Variants in C2orf92 observed in about 807,000 individuals in gnomAD.
The protein encoded by C2orf92 is chromosome 2 open reading frame 92, also known as uncharacterized protein C2orf92.
upstream of C2orf92, chr2:97,667,149 T>G (rs1326188927): frequency 6.6e-6 from 1 of 152,152 alleles, no homozygotes; most frequent in Non-Finnish European, 1.5e-5. Flanking sequence ...TAATTTCATA[T>G]GAAACATATC....
intron 3 of C2orf92, among the ~76,000 whole-genome samples, chr2:97,683,738 A>G (rs1675860520): frequency 6.6e-6 from 1 of 152,244 alleles, no homozygotes; most frequent in South Asian, 2.1e-4. Context: ...TTCTCATTTC[A>G]AAACTTGCTA....
At chr2:97,683,895 C>T (rs1227382763) in intron 3 of C2orf92, among the ~76,000 whole-genome samples, 1 of 151,942 alleles carries the variant, frequency 6.6e-6, no homozygotes, top group Non-Finnish European at 1.5e-5. Context: ...CTCACTCTGT[C>T]GCCCAGGCTG....
intron 3 of C2orf92, among the ~76,000 whole-genome samples, chr2:97,682,100 A>G (rs949586397): frequency 6.6e-6 from 1 of 152,210 alleles, no homozygotes; most frequent in Non-Finnish European, 1.5e-5. Context: ...AAGAGGATCC[A>G]TTATGAATTC....
intron 1 of C2orf92, chr2:97,674,215 A>G (rs2104540090): frequency 6.0e-6 from 2 of 331,988 alleles, no homozygotes; most frequent in South Asian, 1.6e-4. Flanking sequence ...ACTGAGTATC[A>G]TGAGATTTGG....
chr2:97,677,074 T>C (rs1028764279), intron 3 of C2orf92, among the ~76,000 whole-genome samples: 4 of 152,210 alleles, frequency 2.6e-5, no homozygotes, highest in Non-Finnish European at 5.9e-5. Flanking sequence ...AAGAGTGAGC[T>C]TGATGAAGAG....
chr2:97,685,270 T>TTTC (rs1318432038), intron 3 of C2orf92, among the ~76,000 whole-genome samples: 8 of 130,494 alleles, frequency 6.1e-5, no homozygotes, highest in African/African-American at 2.4e-4. Flanking sequence ...TCTTTCTTTC[T>TTTC]TTTTTTTTTT....
chr2:97,680,858 G>A (rs1298438984), intron 3 of C2orf92, among the ~76,000 whole-genome samples: 1 of 151,988 alleles, frequency 6.6e-6, no homozygotes, highest in African/African-American at 2.4e-5. Flanking sequence ...CCCGGGAGGT[G>A]GAGCTTGCAG....
intron 1 of C2orf92, chr2:97,670,073 G>A (rs892826544): frequency 1.1e-5 from 4 of 371,516 alleles, no homozygotes; most frequent in African/African-American, 2.1e-5. Context: ...TGGCATACAT[G>A]CGTATTTTAA....
At chr2:97,691,431 G>GA (rs1184512052) in intron 5 of C2orf92, among the ~76,000 whole-genome samples, 1 of 152,184 alleles carries the variant, frequency 6.6e-6, no homozygotes, top group Non-Finnish European at 1.5e-5. Context: ...AGGAGTGTGG[G>GA]AAAGCGCTGC....
At chr2:97,688,666 G>A (rs1020244960) in intron 3 of C2orf92, among the ~76,000 whole-genome samples, 10 of 152,064 alleles carry the variant, frequency 6.6e-5, no homozygotes, top group East Asian at 1.9e-4. Context: ...TATCTTTAGC[G>A]GGCAGTGTTT....
intron 3 of C2orf92, among the ~76,000 whole-genome samples, chr2:97,678,056 A>G (rs1675638532): frequency 6.6e-6 from 1 of 151,844 alleles, no homozygotes; most frequent in South Asian, 2.1e-4. Flanking sequence ...AAAAATTAGC[A>G]GGGCGTGGTG....
At chr2:97,690,414 T>C (rs1345324302) in intron 5 of C2orf92, 87 bp downstream of exon 5, 1 of 386,216 alleles carries the variant, frequency 2.6e-6, no homozygotes, top group Non-Finnish European at 4.6e-6. Context: ...GGAGTCTCAC[T>C]CTGTTGCCCA....
intron 3 of C2orf92, among the ~76,000 whole-genome samples, chr2:97,676,534 G>A (rs1198440063): frequency 6.6e-6 from 1 of 151,614 alleles, no homozygotes; most frequent in Non-Finnish European, 1.5e-5. Flanking sequence ...CAAGGTGGGA[G>A]GATTGCTGGA....
intron 1 of C2orf92, chr2:97,670,094 T>TA (rs1292016208): frequency 5.8e-6 from 2 of 343,970 alleles, no homozygotes; most frequent in Non-Finnish European, 1.0e-5. Context: ...CTTTTCACTG[T>TA]AAGCATTTCC....
In C2orf92 at chr2:97,671,477, T is replaced by C. The variant is rs554990385; in HGVS notation, c.46+1643T>C. The C allele has an allele frequency of 4.8e-4, 191 of 398,568 alleles. 2 individuals carry two copies. The East Asian group carries it at 6.6e-3, about 14-fold the overall frequency. The allele number at this position is 398,568 out of a possible 1,614,324, so 24.7% of individuals were successfully genotyped here. ...TTTCCTCAAATTCAAAAAATCCTGATGAAGGTTTGGCTAAAATCTTTGGTG... is the reference window on the plus strand; with the variant it reads ...TTTCCTCAAATTCAAAAAATCCTGACGAAGGTTTGGCTAAAATCTTTGGTG... On this transcript the variant is annotated intron_variant, in intron 1 of 7. Transcript: ENST00000627399.
At chr2:97,700,988 C>T (rs1180747134) in intron 6 of C2orf92, among the ~76,000 whole-genome samples, 166 bp from the exon 7 acceptor site, 1 of 152,206 alleles carries the variant, frequency 6.6e-6, no homozygotes, top group African/African-American at 2.4e-5. Flanking sequence ...GCCTCAGCCT[C>T]CCAAAGTGCT....
intron 4 of C2orf92, among the ~76,000 whole-genome samples, chr2:97,689,250 C>T (rs959582316): frequency 1.3e-5 from 2 of 152,174 alleles, no homozygotes; most frequent in African/African-American, 4.8e-5. Context: ...GGTTCTGCCA[C>T]CCTGGAGGCA....
chr2:97,681,700 T>C (rs1464670140), intron 3 of C2orf92, among the ~76,000 whole-genome samples: 1 of 152,018 alleles, frequency 6.6e-6, no homozygotes, highest in Non-Finnish European at 1.5e-5. Context: ...CTACTAAAAG[T>C]ACAAAAAATT....
intron 5 of C2orf92, chr2:97,697,378 T>C (rs1332639935): frequency 6.6e-6 from 1 of 152,220 alleles, no homozygotes; most frequent in Non-Finnish European, 1.5e-5. Context: ...CTCTTGCCTC[T>C]GGTAGAGAAA....
Sources: gnomAD v4.1 joint callset for allele counts (sites outside exome capture counted in the v4.1 genomes callset) on GRCh38, gnomAD v4.1.1 for gene constraint, MANE v1.5 for transcripts, NCBI Gene and HGNC (gene_info 2026-07-23, HGNC 2026-07-21) for gene names.